Variants in LIN9 observed in about 807,000 individuals in gnomAD.
The protein encoded by LIN9 is lin-9 DREAM MuvB core complex component, also known as protein lin-9 homolog.
LIN9 carries 18 observed loss-of-function variants against 78.0 expected under a neutral mutation model. The observed-to-expected ratio is 0.23, with a 90% CI of 0.16 to 0.34. LIN9 has a LOEUF of 0.34. Among genes scored for constraint, LIN9 ranks in the 10% least tolerant of loss-of-function variants. The pLI is 1.00. For missense variants in LIN9, 451 were observed against 644.1 expected (o/e 0.70, Z 3.25); for synonymous variants, 192 against 215.2 (o/e 0.89, Z 0.94).
At chr1:226,309,225 T>C (rs763946094), upstream of LIN9, 1 of 1,427,278 alleles carries the variant, frequency 7.0e-7, no homozygotes, top group Non-Finnish European at 9.3e-7. Context: ...GAGGTTCGAA[T>C]GCGGAGCTCG....
chr1:226,297,600 C>G, intron 3 of LIN9, 119 bp downstream of exon 3: 1 of 535,232 alleles, frequency 1.9e-6, no homozygotes, highest in Non-Finnish European at 3.2e-6. Context: ...CTTAATGACA[C>G]TTGAGGTTGG....
At chr1:226,288,121 G>A (rs1456407258) in intron 4 of LIN9, among the ~76,000 whole-genome samples, 3 of 151,962 alleles carry the variant, frequency 2.0e-5, no homozygotes, top group Non-Finnish European at 4.4e-5. Flanking sequence ...ACAGGCGCAC[G>A]CCACCACACC....
intron 5 of LIN9, 59 bp downstream of exon 5, chr1:226,287,605 C>A: frequency 8.0e-7 from 1 of 1,246,742 alleles, no homozygotes. Flanking sequence ...GCTTAAAACA[C>A]TTGAAAAACT....
rs1017780931 is a variant in LIN9, at chr1:226,231,846, TCAACAAA to T, written c.*648_*654del. ...TTTCCCCCTGTTCCTTCATTTTCTT[TCAACAAA>T]CAACAAAGGTTTCTTTTATATGTTA... On this transcript the variant is annotated 3_prime_UTR_variant, in exon 15 of 15. Transcript: ENST00000681046. 3.5e-4 allele frequency: 91 copies of T among 257,704 alleles called. No homozygotes were observed. Among genetic ancestry groups the T allele is most frequent in the African/African-American group, 2.0e-3 (88 of 45,048 alleles). 16.0% of individuals were successfully genotyped at this position (257,704 alleles called of 1,614,324 possible).
chr1:226,272,983 T>C (rs1414385377), intron 7 of LIN9, among the ~76,000 whole-genome samples: 1 of 152,108 alleles, frequency 6.6e-6, no homozygotes, highest in Non-Finnish European at 1.5e-5. Context: ...GACCTGGTGT[T>C]GGGTCTGATC....
intron 11 of LIN9, among the ~76,000 whole-genome samples, chr1:226,241,849 C>A (rs1658136022): frequency 6.6e-6 from 1 of 150,534 alleles, no homozygotes; most frequent in Non-Finnish European, 1.5e-5. Context: ...CAGAGCGAGA[C>A]TCTGTTTCAA....
intron 7 of LIN9, among the ~76,000 whole-genome samples, chr1:226,268,439 A>G (rs1298219546): frequency 6.6e-6 from 1 of 152,202 alleles, no homozygotes; most frequent in African/African-American, 2.4e-5. Flanking sequence ...AAAAAAAGAC[A>G]AAGATGTTGT....
chr1:226,267,139 A>G (rs751151146), intron 8 of LIN9, among the ~76,000 whole-genome samples: 13 of 151,426 alleles, frequency 8.6e-5, no homozygotes, highest in Non-Finnish European at 2.9e-5. Flanking sequence ...AAAACTTAAG[A>G]GCAGTGTACT....
intron 2 of LIN9, among the ~76,000 whole-genome samples, chr1:226,299,901 A>C (rs181619749): frequency 6.6e-6 from 1 of 152,002 alleles, no homozygotes; most frequent in East Asian, 1.9e-4. Context: ...TTATTTCAAG[A>C]CATTATTACT....
intron 6 of LIN9, among the ~76,000 whole-genome samples, chr1:226,283,278 ATTTTTTTTTTTTTT>A (rs71574569): frequency 0.015 from 1,248 of 84,224 alleles, 22 homozygotes; most frequent in Non-Finnish European, 0.018. Flanking sequence ...TAATTTTTGA[ATTTTTTTTTTTTTT>A]TTTTTTTTTT....
At position 226,297,676 on chromosome 1, in the gene LIN9, T is replaced by C. The variant is rs568129216; in HGVS notation, c.159+43A>G. 6.0e-6 allele frequency: 8 copies of C among 1,335,566 alleles called. No individual in the cohort carries two copies. In the South Asian group the frequency reaches 7.2e-5, roughly 12 times the overall value. The allele number at this position is 1,335,566 out of a possible 1,614,324, so 82.7% of individuals were successfully genotyped here. A position where few individuals can be genotyped will look rare whatever the true frequency, so the allele number is the denominator to read the frequency against. ...ACACATGACAATAATACAGACAACT[T>C]AGCTAGAATTATTCTAAAATGTAAG... On this transcript the variant is annotated intron_variant, in intron 3 of 14. Transcript: ENST00000681046.
intron 6 of LIN9, 96 bp from the exon 7 acceptor site, chr1:226,278,028 T>C: frequency 9.8e-7 from 1 of 1,016,934 alleles, no homozygotes; most frequent in Non-Finnish European, 1.4e-6. Flanking sequence ...AGTCTGGCTC[T>C]GTCATCCAGG....
At chr1:226,277,457 G>C (rs1288550876) in intron 7 of LIN9, among the ~76,000 whole-genome samples, 1 of 152,028 alleles carries the variant, frequency 6.6e-6, no homozygotes, top group Admixed American at 6.6e-5. Context: ...GCCATTTCTC[G>C]AATAGAGATT....
chr1:226,282,094 T>TAAAAGCA (rs1661102578), intron 6 of LIN9, among the ~76,000 whole-genome samples: 1 of 152,190 alleles, frequency 6.6e-6, no homozygotes, highest in African/African-American at 2.4e-5. Context: ...TATGCACTGT[T>TAAAAGCA]GTGTATTTTG....
intron 1 of LIN9, among the ~76,000 whole-genome samples, chr1:226,301,845 G>C (rs1006737407): frequency 4.6e-5 from 7 of 152,150 alleles, no homozygotes; most frequent in Non-Finnish European, 8.8e-5. Flanking sequence ...AGGTGGGAAG[G>C]CTAGCTTGAG....
chr1:226,296,925 G>A (rs143360914), intron 3 of LIN9, among the ~76,000 whole-genome samples: 1 of 152,298 alleles, frequency 6.6e-6, no homozygotes, highest in African/African-American at 2.4e-5. Context: ...TAGGGAGGCT[G>A]AGCGGGCAGG....
chr1:226,307,069 C>A (rs993351191), intron 1 of LIN9, among the ~76,000 whole-genome samples: 9 of 152,058 alleles, frequency 5.9e-5, no homozygotes, highest in African/African-American at 2.2e-4. Flanking sequence ...AATATAAATC[C>A]CAAGTCCCTA....
At chr1:226,239,875 T>C (rs1657989461) in intron 11 of LIN9, among the ~76,000 whole-genome samples, 1 of 152,228 alleles carries the variant, frequency 6.6e-6, no homozygotes, top group Non-Finnish European at 1.5e-5. Flanking sequence ...CTAAAAATGC[T>C]GGCAATGAAA....
chr1:226,297,148 C>T (rs573029105), intron 3 of LIN9, among the ~76,000 whole-genome samples: 41 of 152,252 alleles, frequency 2.7e-4, no homozygotes, highest in African/African-American at 8.9e-4. Flanking sequence ...GAGGAAAGCC[C>T]CTCACATTCA....
Sources: gnomAD v4.1 joint callset for allele counts (sites outside exome capture counted in the v4.1 genomes callset) on GRCh38, gnomAD v4.1.1 for gene constraint, MANE v1.5 for transcripts, NCBI Gene and HGNC (gene_info 2026-07-23, HGNC 2026-07-21) for gene names.